PTTG1IP: variants seen among roughly 807,000 people sequenced by gnomAD.
PTTG1IP encodes the protein PTTG1 interacting protein.
PTTG1IP carries 16 observed loss-of-function variants against 24.4 expected under a neutral mutation model. That is an observed-to-expected ratio of 0.66 (90% CI 0.44 to 1.00). The LOEUF (loss-of-function observed/expected upper bound fraction) is 1.00. Ranked by LOEUF, PTTG1IP falls within the 50% of genes least tolerant of loss-of-function variation. The pLI is 0.00. For synonymous variants in PTTG1IP, 89 were observed against 96.8 expected (o/e 0.92, Z 0.47); for missense variants, 241 against 245.8 (o/e 0.98, Z 0.13).
At chr21:44,854,888 A>C (rs2083437400) in intron 5 of PTTG1IP, among the ~76,000 whole-genome samples, 1 of 152,228 alleles carries the variant, frequency 6.6e-6, no homozygotes, top group Non-Finnish European at 1.5e-5. Context: ...TCGGCTACGC[A>C]GGCGTGCCCA....
At chr21:44,860,091 G>C (rs2083478544) in intron 3 of PTTG1IP, among the ~76,000 whole-genome samples, 2 of 152,188 alleles carry the variant, frequency 1.3e-5, no homozygotes, top group Admixed American at 6.5e-5. Context: ...CTACGGGGCT[G>C]GGCGCAGTGG....
intron 3 of PTTG1IP, among the ~76,000 whole-genome samples, chr21:44,857,920 A>T (rs1418500099): frequency 6.6e-6 from 1 of 152,246 alleles, no homozygotes; most frequent in Non-Finnish European, 1.5e-5. Flanking sequence ...CATTGGCAGA[A>T]GATGTCATTT....
chr21:44,869,612 AAAAT>A (rs1472389663), intron 1 of PTTG1IP, among the ~76,000 whole-genome samples: 1 of 152,230 alleles, frequency 6.6e-6, no homozygotes, highest in Non-Finnish European at 1.5e-5. Context: ...TCAATTTTTA[AAAAT>A]AAATAAAACA....
At chr21:44,855,708 C>T (rs2146455152) in intron 4 of PTTG1IP, among the ~76,000 whole-genome samples, 1 of 152,236 alleles carries the variant, frequency 6.6e-6, no homozygotes, top group East Asian at 1.9e-4. Context: ...GACAGTTGGC[C>T]CCTCAGGTCC....
In PTTG1IP at chr21:44,866,471, A is replaced by C. The variant is rs1261092513; in HGVS notation, c.116-1024T>G. The stretch of plus-strand genomic sequence containing the variant: ...AGAGTGCCTACTCCCCCAATCCCAT[A>C]ACACACACACACACACACACGCAGA... On this transcript the variant is annotated intron_variant, in intron 1 of 5. Transcript: ENST00000330938. Among the ~76,000 whole-genome samples the C allele has an allele frequency of 1.2e-4, 2 of 16,780 alleles. 1 individual carries two copies. The highest frequency in any genetic ancestry group is 2.1e-4 in the Non-Finnish European group (2 of 9,652). 11.0% of individuals were successfully genotyped at this position (16,780 alleles called of 152,430 possible).
chr21:44,870,546 AAAG>A (rs1346935597), intron 1 of PTTG1IP, among the ~76,000 whole-genome samples: 24 of 150,088 alleles, frequency 1.6e-4, no homozygotes, highest in Non-Finnish European at 2.4e-4. Flanking sequence ...AAAAAAAAAA[AAAG>A]AAAGGCATGA....
intron 5 of PTTG1IP, among the ~76,000 whole-genome samples, chr21:44,852,214 C>T (rs1033242909): frequency 1.3e-5 from 2 of 151,758 alleles, no homozygotes; most frequent in African/African-American, 2.4e-5. Context: ...CAGAGTTTTG[C>T]TCTTGTTGCC....
At chr21:44,865,961 C>T (rs928576928) in intron 1 of PTTG1IP, 1 of 205,810 alleles carries the variant, frequency 4.9e-6, no homozygotes, top group Non-Finnish European at 1.0e-5. Flanking sequence ...CCCCTGGTAG[C>T]CTCACTCCAG....
chr21:44,857,058 T>C (rs182473733), intron 3 of PTTG1IP, among the ~76,000 whole-genome samples: 1 of 152,358 alleles, frequency 6.6e-6, no homozygotes, highest in East Asian at 1.9e-4. Context: ...TACTATCCTT[T>C]TAAACTTCTT....
At chr21:44,858,779 C>T (rs551001328) in intron 3 of PTTG1IP, among the ~76,000 whole-genome samples, 28 of 152,336 alleles carry the variant, frequency 1.8e-4, no homozygotes, top group Admixed American at 9.8e-4. Flanking sequence ...GTGCTCAGCA[C>T]GATCGGCTAG....
chr21:44,858,618 G>T (rs1043395942), intron 3 of PTTG1IP, among the ~76,000 whole-genome samples: 9 of 152,226 alleles, frequency 5.9e-5, no homozygotes, highest in Admixed American at 5.2e-4. Flanking sequence ...TGCGTGGCGT[G>T]TGGTGCCCCC....
At chr21:44,857,261 G>A (rs949014421) in intron 3 of PTTG1IP, among the ~76,000 whole-genome samples, 8 of 152,322 alleles carry the variant, frequency 5.3e-5, no homozygotes, top group African/African-American at 1.9e-4. Flanking sequence ...AGGATTGCTT[G>A]AGCCCAGGAG....
Position 44,861,647 on chromosome 21 carries a change from G to A in PTTG1IP, c.169-376C>T, listed in dbSNP as rs113683225. 3.9e-3 allele frequency: 2,767 copies of A among 705,806 alleles called. 48 individuals carry two copies. In the African/African-American group the frequency reaches 0.042, roughly 11 times the overall value. The allele number at this position is 705,806 out of a possible 1,614,324, so 43.7% of individuals were successfully genotyped here. On this transcript the variant is annotated intron_variant, in intron 2 of 5. Coordinates refer to ENST00000330938, the MANE Select transcript of PTTG1IP (RefSeq NM_004339.4). ...CCTGGAGCACTCTCCCCACATCTGT[G>A]TGGCTCCCCACTGACTGGATGGGCC...
At chr21:44,852,547 C>T (rs2146451038) in intron 5 of PTTG1IP, among the ~76,000 whole-genome samples, 1 of 152,300 alleles carries the variant, frequency 6.6e-6, no homozygotes, top group Admixed American at 6.5e-5. Context: ...CAAAGCTACT[C>T]ACTGCATGTA....
In PTTG1IP at chr21:44,861,214, G is replaced by T; in HGVS notation, c.226C>A (p.Pro76Thr). The T allele has an allele frequency of 6.2e-7, 1 of 1,614,146 alleles. No individual in the cohort carries two copies. Among genetic ancestry groups the T allele is most frequent in the South Asian group, 1.1e-5 (1 of 91,080 alleles). ...CLDYPVTSVL[P>T]PASLCKLSSA... The stretch of plus-strand genomic sequence containing the variant: ...CTCAATTTACAAAGGGAAGCCGGTG[G>T]CAAGACGCTTGTAACTGGGTAGTCC... Residue 76 changes from proline to threonine, a missense_variant, in exon 3 of 6, where the codon CCA (proline) becomes ACA (threonine). Coordinates refer to ENST00000330938, the MANE Select transcript of PTTG1IP (RefSeq NM_004339.4).
In PTTG1IP at chr21:44,855,205, C is replaced by G; in HGVS notation, c.496+5G>C. The G allele has an allele frequency of 6.2e-7, 1 of 1,608,732 alleles. No homozygotes were observed. On this transcript the variant is annotated splice_donor_5th_base_variant and intron_variant, in intron 5 of 5. Transcript: ENST00000330938. Reference sequence around the variant, plus strand: ...AGACAAAAAGGAGGCGTGACCAGTCCTTACCATATTTTTTTCTGATTTCAT... The same window carrying G: ...AGACAAAAAGGAGGCGTGACCAGTCGTTACCATATTTTTTTCTGATTTCAT...
rs2083440095 is a variant in PTTG1IP at position 44,855,238 on chromosome 21, T to C, written c.468A>G (p.Thr156=). The C allele has an allele frequency of 6.2e-7, 1 of 1,612,546 alleles. No individual in the cohort carries two copies. ...ATTTTTTTCTGATTTCATCATGTCT[T>C]GTCTTCATCTCTGCTCTCCTAAAAC... The part of the protein sequence containing the change: ...RQEERRAEMK[T]RHDEIRKKYG... Residue 156 remains threonine, a synonymous_variant, in exon 5 of 6, where the codon ACA becomes ACG. Coordinates refer to ENST00000330938, the MANE Select transcript of PTTG1IP (RefSeq NM_004339.4).
At chr21:44,851,710 TAAG>T (rs372571202) in intron 5 of PTTG1IP, 83 bp from the exon 6 acceptor site, 91 of 1,471,258 alleles carry the variant, frequency 6.2e-5, no homozygotes, top group Non-Finnish European at 8.0e-5. Context: ...CCAAGCTTTA[TAAG>T]AAGATTTACT....
intron 3 of PTTG1IP, among the ~76,000 whole-genome samples, chr21:44,857,847 C>T (rs928909825): frequency 2.0e-5 from 3 of 152,230 alleles, no homozygotes; most frequent in Non-Finnish European, 2.9e-5. Flanking sequence ...CCTCCTCTGA[C>T]CTGTTCTGGA....
Sources: allele counts gnomAD v4.1 joint callset (sites outside exome capture counted in the v4.1 genomes callset), GRCh38; gene constraint gnomAD v4.1.1; transcripts MANE v1.5; gene names NCBI Gene and HGNC (gene_info 2026-07-23, HGNC 2026-07-21).